DMXL2: variants seen among roughly 807,000 people sequenced by gnomAD.
DMXL2 encodes the protein Dmx like 2.
A neutral mutation model predicts 331.1 loss-of-function variants in DMXL2; 103 were observed. That is an observed-to-expected ratio of 0.31 (90% CI 0.27 to 0.37). DMXL2 has a LOEUF of 0.37. DMXL2 is among the 10% of genes least tolerant of loss of function. The probability of loss-of-function intolerance (pLI) is 1.00; values close to 1 mark genes in which losing one functional copy is unlikely to be tolerated. For synonymous variants in DMXL2, 1,281 were observed against 1,252.1 expected (o/e 1.02, Z -0.49); for missense variants, 3,171 against 3,642.9 (o/e 0.87, Z 3.33).
chr15:51,488,500 G>A, intron 21 of DMXL2, 48 bp downstream of exon 21: 1 of 1,489,496 alleles, frequency 6.7e-7, no homozygotes, highest in East Asian at 2.3e-5. Flanking sequence ...CTTACTCACA[G>A]CACAATCTTC....
chr15:51,499,663 G>A lies in DMXL2; in HGVS notation c.3561C>T (p.Val1187=), dbSNP rs757245174. The part of the protein sequence containing the change: ...EDGSHILTVG[V]GANIFMYGRL... Reference sequence around the variant, plus strand: ...TTCCATACATGAAGATATTCGCACCGACTCCCACTGTAAGAATGTGGGAGC... The same window carrying A: ...TTCCATACATGAAGATATTCGCACCAACTCCCACTGTAAGAATGTGGGAGC... Residue 1187 remains valine (V), a synonymous_variant, in exon 18 of 44, where the codon GTC becomes GTT. Transcript: ENST00000560891. The A allele has an allele frequency of 9.3e-6, 15 of 1,613,812 alleles. No individual in the cohort carries two copies. Among genetic ancestry groups the A allele is most frequent in the African/African-American group, 4.0e-5 (3 of 74,894 alleles).
At chr15:51,469,891 G>A (rs1378469931) in intron 29 of DMXL2, among the ~76,000 whole-genome samples, 4 of 152,096 alleles carry the variant, frequency 2.6e-5, no homozygotes, top group South Asian at 2.1e-4. Context: ...AGTATAACTC[G>A]GACCCTGATA....
At chr15:51,481,833 TAG>T (rs1009225001) in intron 23 of DMXL2, among the ~76,000 whole-genome samples, 27 of 152,320 alleles carry the variant, frequency 1.8e-4, no homozygotes, top group African/African-American at 6.5e-4. Context: ...CCCATCACTA[TAG>T]AGTGATGTCC....
intron 13 of DMXL2, among the ~76,000 whole-genome samples, chr15:51,525,504 G>T (rs2047621079): frequency 6.6e-6 from 1 of 152,156 alleles, no homozygotes; most frequent in Non-Finnish European, 1.5e-5. Context: ...GGAGTCCCCA[G>T]TTCTAGGACC....
chr15:51,615,147 G>A (rs1404571945), intron 1 of DMXL2, among the ~76,000 whole-genome samples: 1 of 152,178 alleles, frequency 6.6e-6, no homozygotes, highest in African/African-American at 2.4e-5. Context: ...GGGAAGACTG[G>A]AAGAGGAAAA....
At chr15:51,582,374 G>A (rs2051490241) in intron 1 of DMXL2, among the ~76,000 whole-genome samples, 1 of 151,896 alleles carries the variant, frequency 6.6e-6, no homozygotes, top group Non-Finnish European at 1.5e-5. Context: ...CAAATTTTTT[G>A]CTCTTTATTA....
chr15:51,451,185 A>C (rs1316552482), intron 42 of DMXL2, among the ~76,000 whole-genome samples: 1 of 152,102 alleles, frequency 6.6e-6, no homozygotes, highest in Non-Finnish European at 1.5e-5. Flanking sequence ...CCCAGTACTT[A>C]GGGAGGTAGA....
intron 1 of DMXL2, among the ~76,000 whole-genome samples, chr15:51,585,554 T>C (rs949846111): frequency 1.3e-5 from 2 of 152,104 alleles, no homozygotes; most frequent in Non-Finnish European, 2.9e-5. Context: ...TATATGCGTA[T>C]GTGTCCAAGA....
chr15:51,565,592 G>A (rs1025402715), intron 3 of DMXL2, among the ~76,000 whole-genome samples: 9 of 152,078 alleles, frequency 5.9e-5, no homozygotes, highest in African/African-American at 2.2e-4. Context: ...CTGATCACAT[G>A]GAATTAGTAT....
intron 1 of DMXL2, among the ~76,000 whole-genome samples, chr15:51,607,179 G>A (rs911146990): frequency 2.6e-5 from 4 of 151,588 alleles, no homozygotes; most frequent in African/African-American, 4.8e-5. Context: ...AAAAAAGGCC[G>A]GGCGCGGTGG....
intron 14 of DMXL2, among the ~76,000 whole-genome samples, chr15:51,515,410 C>T (rs1383012003): frequency 6.6e-6 from 1 of 151,994 alleles, no homozygotes; most frequent in Non-Finnish European, 1.5e-5. Flanking sequence ...TGCCTCTTTA[C>T]ATAATAGAAA....
intron 39 of DMXL2, 122 bp from the exon 40 acceptor site, chr15:51,455,350 T>C: frequency 6.0e-6 from 5 of 834,560 alleles, no homozygotes; most frequent in Non-Finnish European, 9.5e-6. Context: ...TATGTTTCTG[T>C]TGCTGTCATT....
rs1267064461 is a variant in DMXL2, at chr15:51,474,286, T to A, written c.7213+58A>T. 1.0e-5 allele frequency: 15 copies of A among 1,496,490 alleles called. 1 individual carries two copies. In the Admixed American group the frequency reaches 1.6e-4, roughly 16 times the overall value. The allele number at this position is 1,496,490 out of a possible 1,614,324, so 92.7% of individuals were successfully genotyped here. The stretch of plus-strand genomic sequence containing the variant: ...AAATTTCTTGAAACATTAAAAAAAA[T>A]TTTAACATTCAAAATGATTAACATT... On this transcript the variant is annotated intron_variant, in intron 28 of 43. Transcript: ENST00000560891.
chr15:51,561,267 C>T (rs2049951056), intron 6 of DMXL2, among the ~76,000 whole-genome samples: 1 of 152,164 alleles, frequency 6.6e-6, no homozygotes, highest in South Asian at 2.1e-4. Context: ...TTTAACAGGT[C>T]CCCCAAATGT....
intron 1 of DMXL2, among the ~76,000 whole-genome samples, chr15:51,581,940 T>C (rs903071509): frequency 1.3e-5 from 2 of 152,160 alleles, no homozygotes; most frequent in Non-Finnish European, 2.9e-5. Flanking sequence ...GTTGAGAGGT[T>C]TAACAAAGTA....
chr15:51,574,324 T>C (rs1262643073), intron 2 of DMXL2, among the ~76,000 whole-genome samples: 1 of 152,190 alleles, frequency 6.6e-6, no homozygotes, highest in Non-Finnish European at 1.5e-5. Context: ...CACTCTCCTC[T>C]TGGTAAGATG....
intron 1 of DMXL2, among the ~76,000 whole-genome samples, chr15:51,620,934 T>G (rs1015419466): frequency 2.0e-5 from 3 of 152,190 alleles, no homozygotes; most frequent in African/African-American, 7.2e-5. Flanking sequence ...GAGACAGCAC[T>G]CCACTTTAGA....
At chr15:51,537,838 A>G (rs2048369064) in intron 10 of DMXL2, 79 bp from the exon 11 acceptor site, 2 of 1,402,348 alleles carry the variant, frequency 1.4e-6, no homozygotes, top group Non-Finnish European at 9.4e-7. Flanking sequence ...ATGGCATACT[A>G]TCTTTAAAAA....
At chr15:51,494,335 A>G (rs988219070) in intron 19 of DMXL2, among the ~76,000 whole-genome samples, 4 of 152,172 alleles carry the variant, frequency 2.6e-5, no homozygotes, top group African/African-American at 9.7e-5. Context: ...TAGGTTCTAT[A>G]ATACTAAGAC....
Sources: allele counts gnomAD v4.1 joint callset (sites outside exome capture counted in the v4.1 genomes callset), GRCh38; gene constraint gnomAD v4.1.1; transcripts MANE v1.5; gene names NCBI Gene and HGNC (gene_info 2026-07-23, HGNC 2026-07-21).